Variants in GRIK2 observed in about 807,000 individuals in gnomAD.
GRIK2 encodes glutamate ionotropic receptor kainate type subunit 2.
GRIK2 carries 32 observed loss-of-function variants against 100.3 expected under a neutral mutation model. The observed-to-expected ratio is 0.32, with a 90% confidence interval of 0.24 to 0.43. GRIK2 has a LOEUF of 0.43. GRIK2 is among the 20% of genes least tolerant of loss of function. The pLI is 1.00. For missense variants in GRIK2, 843 were observed against 1,114.9 expected (o/e 0.76, Z 3.47); for synonymous variants, 417 against 389.4 (o/e 1.07, Z -0.83).
intron 7 of GRIK2, among the ~76,000 whole-genome samples, chr6:101,708,951 A>G (rs1285277188): frequency 6.6e-6 from 1 of 151,840 alleles, no homozygotes. Context: ...CCCTAATCCA[A>G]TATAATTGAT....
chr6:101,719,844 T>A (rs974611979), intron 7 of GRIK2, among the ~76,000 whole-genome samples: 21 of 152,130 alleles, frequency 1.4e-4, no homozygotes, highest in African/African-American at 4.8e-4. Flanking sequence ...ACAGCCACTG[T>A]GGTGATGGTG....
Position 101,402,975 on chromosome 6 carries a change from C to G in GRIK2, c.115+3583C>G, listed in dbSNP as rs546087110. Among the ~76,000 whole-genome samples the G allele has an allele frequency of 8.5e-5, 13 of 152,272 alleles. No homozygotes were observed. The South Asian group carries it at 2.5e-3, about 29-fold the overall frequency. ...CGGCGGCGGAGGTAATTGAACCTTTCTTTTGTTACTTTAGCCGGTCCTTCT... is the reference window on the plus strand; with the variant it reads ...CGGCGGCGGAGGTAATTGAACCTTTGTTTTGTTACTTTAGCCGGTCCTTCT... On this transcript the variant is annotated intron_variant, in intron 2 of 16. Transcript: ENST00000369134.
intron 4 of GRIK2, among the ~76,000 whole-genome samples, chr6:101,628,036 A>G (rs970159758): frequency 2.0e-5 from 3 of 152,204 alleles, no homozygotes; most frequent in Admixed American, 6.6e-5. Context: ...TCTTTAAATT[A>G]GAACATAAAA....
At chr6:101,546,386 T>G (rs1011668277) in intron 2 of GRIK2, among the ~76,000 whole-genome samples, 14 of 152,182 alleles carry the variant, frequency 9.2e-5, no homozygotes, top group Non-Finnish European at 1.6e-4. Flanking sequence ...TTGAGAATTT[T>G]CTATATCTCC....
chr6:101,844,617 A>G (rs1315655591), intron 10 of GRIK2, among the ~76,000 whole-genome samples: 1 of 152,238 alleles, frequency 6.6e-6, no homozygotes, highest in Non-Finnish European at 1.5e-5. Context: ...TTAACATAGC[A>G]TACATTTTCC....
At chr6:101,534,956 A>AT (rs543136926) in intron 2 of GRIK2, among the ~76,000 whole-genome samples, 50 of 151,232 alleles carry the variant, frequency 3.3e-4, no homozygotes, top group Non-Finnish European at 5.9e-4. Flanking sequence ...CTGACATTTC[A>AT]TTTTTTCTGG....
chr6:101,850,316 G>C (rs567972376), intron 10 of GRIK2, among the ~76,000 whole-genome samples: 3 of 152,114 alleles, frequency 2.0e-5, no homozygotes, highest in South Asian at 4.1e-4. Context: ...ACCTGGAAGA[G>C]TGTTGGGACA....
chr6:101,886,991 AT>A (rs35339842), intron 11 of GRIK2, among the ~76,000 whole-genome samples: 110 of 144,112 alleles, frequency 7.6e-4, no homozygotes, highest in Middle Eastern at 3.5e-3. Context: ...ACACCTGGGT[AT>A]TTTTTTTTTT....
At chr6:101,913,417 G>T (rs1006369655) in intron 12 of GRIK2, among the ~76,000 whole-genome samples, 1 of 150,960 alleles carries the variant, frequency 6.6e-6, no homozygotes, top group African/African-American at 2.4e-5. Flanking sequence ...TCATTTTTCT[G>T]TGTATATGGA....
chr6:101,687,191 A>T (rs1771758551), intron 7 of GRIK2, among the ~76,000 whole-genome samples: 1 of 152,026 alleles, frequency 6.6e-6, no homozygotes, highest in Non-Finnish European at 1.5e-5. Context: ...GTCACATTTC[A>T]GTCATATTTA....
chr6:101,606,565 G>T (rs1779445116), intron 2 of GRIK2, among the ~76,000 whole-genome samples: 1 of 151,994 alleles, frequency 6.6e-6, no homozygotes, highest in Admixed American at 6.6e-5. Flanking sequence ...CTTGCTTAAA[G>T]TTCAGTTGGC....
At chr6:102,028,687 T>G (rs1562122669) in intron 14 of GRIK2, among the ~76,000 whole-genome samples, 1 of 151,068 alleles carries the variant, frequency 6.6e-6, no homozygotes, top group Non-Finnish European at 1.5e-5. Context: ...GGCTAATTAC[T>G]CTGTATAATA....
intron 12 of GRIK2, among the ~76,000 whole-genome samples, chr6:101,913,803 G>A (rs552149161): frequency 1.3e-5 from 2 of 151,628 alleles, no homozygotes; most frequent in Non-Finnish European, 3.0e-5. Context: ...TGAGTGTCAT[G>A]TATGAGATAT....
intron 11 of GRIK2, among the ~76,000 whole-genome samples, chr6:101,883,215 C>A (rs1473447701): frequency 1.3e-5 from 2 of 150,394 alleles, no homozygotes; most frequent in African/African-American, 4.9e-5. Context: ...AATGACCCAA[C>A]AGCTAATCTA....
At chr6:102,055,293 T>G (rs1242032544) in intron 15 of GRIK2, 37 bp from the exon 16 acceptor site, 10 of 1,510,720 alleles carry the variant, frequency 6.6e-6, no homozygotes, top group Non-Finnish European at 9.1e-6. Context: ...AAATTTCAGG[T>G]TCCTTGAAAT....
Position 101,720,065 on chromosome 6 carries a change from T to C in GRIK2, c.951+33712T>C, listed in dbSNP as rs180864679. Among the ~76,000 whole-genome samples, 6 of 152,004 alleles carry C rather than the reference T, an allele frequency of 3.9e-5. No homozygotes were observed. The East Asian group carries it at 7.8e-4, about 20-fold the overall frequency. ...GATACTTATTTTTGTGTTTATTGAA[T>C]GTTCATTGTAGTTCAGGATGATTTC... On this transcript the variant is annotated intron_variant, in intron 7 of 16. Transcript: ENST00000369134.
At chr6:101,906,470 A>G (rs1788239072) in intron 12 of GRIK2, among the ~76,000 whole-genome samples, 1 of 151,390 alleles carries the variant, frequency 6.6e-6, no homozygotes, top group Admixed American at 6.6e-5. Context: ...GTATGCTCTC[A>G]CTAAGAAGTG....
intron 2 of GRIK2, among the ~76,000 whole-genome samples, chr6:101,501,861 G>A (rs1330330105): frequency 6.6e-6 from 1 of 152,048 alleles, no homozygotes; most frequent in Non-Finnish European, 1.5e-5. Flanking sequence ...GGGTTCAAGC[G>A]ATCCTCCCAC....
chr6:101,465,683 A>G (rs1019377427), intron 2 of GRIK2, among the ~76,000 whole-genome samples: 2 of 152,158 alleles, frequency 1.3e-5, no homozygotes, highest in Admixed American at 1.3e-4. Flanking sequence ...TAAAAGGCCC[A>G]GGTACCACAC....
Sources: allele counts gnomAD v4.1 joint callset (sites outside exome capture counted in the v4.1 genomes callset), GRCh38; gene constraint gnomAD v4.1.1; transcripts MANE v1.5; gene names NCBI Gene and HGNC (gene_info 2026-07-23, HGNC 2026-07-21).